Variants in ANKRD27 observed in about 807,000 individuals in gnomAD.
ANKRD27 encodes the protein ankyrin repeat domain 27, also known as ankyrin repeat domain-containing protein 27.
A neutral mutation model predicts 129.7 loss-of-function variants in ANKRD27; 112 were observed. That is an observed-to-expected ratio of 0.86 (90% confidence interval 0.74 to 1.01). The LOEUF is 1.01. ANKRD27 is among the 50% of genes least tolerant of loss of function. ANKRD27 has a pLI of 0.00. For missense variants in ANKRD27, 1,258 were observed against 1,300.5 expected, an observed-to-expected ratio of 0.97 and a Z score of 0.50; for synonymous variants, 516 against 511.2, an observed-to-expected ratio of 1.01 and a Z score of -0.13.
intron 28 of ANKRD27, 80 bp downstream of exon 28, chr19:32,599,624 G>T: frequency 8.0e-7 from 1 of 1,253,516 alleles, no homozygotes; most frequent in Non-Finnish European, 1.1e-6. Flanking sequence ...GACGATCAAG[G>T]AGACGTGTTT....
At chr19:32,617,753 GTTTTT>G (rs375079407) in intron 20 of ANKRD27, 120 bp from the exon 21 acceptor site, 6 of 297,112 alleles carry the variant, frequency 2.0e-5, no homozygotes, top group South Asian at 5.1e-5. Context: ...GTCTGATTTA[GTTTTT>G]TTTTTTTTTT....
chr19:32,626,161 C>A (rs886910256), intron 16 of ANKRD27, among the ~76,000 whole-genome samples, 195 bp from the exon 17 acceptor site: 4 of 152,100 alleles, frequency 2.6e-5, no homozygotes, highest in African/African-American at 9.7e-5. Flanking sequence ...CCTTTTCTTC[C>A]CCCATATGAT....
intron 2 of ANKRD27, among the ~76,000 whole-genome samples, chr19:32,657,622 CAA>C (rs764894654): frequency 2.2e-4 from 28 of 127,966 alleles, no homozygotes; most frequent in South Asian, 2.6e-4. Context: ...GACTCTGTCT[CAA>C]AAAAAAAAAA....
intron 1 of ANKRD27, among the ~76,000 whole-genome samples, chr19:32,671,673 C>CA (rs747101363): frequency 1.3e-5 from 2 of 152,180 alleles, no homozygotes; most frequent in Non-Finnish European, 2.9e-5. Flanking sequence ...CCAGCCTGGG[C>CA]AACAGAGTGA....
At chr19:32,665,526 C>G (rs1967736339) in intron 1 of ANKRD27, among the ~76,000 whole-genome samples, 1 of 150,784 alleles carries the variant, frequency 6.6e-6, no homozygotes, top group African/African-American at 2.4e-5. Flanking sequence ...GTGGCATGAT[C>G]TTGACTCACA....
At chr19:32,618,534 C>T (rs1971958270) in intron 20 of ANKRD27, among the ~76,000 whole-genome samples, 1 of 152,066 alleles carries the variant, frequency 6.6e-6, no homozygotes, top group African/African-American at 2.4e-5. Context: ...GGACACCCCT[C>T]CCAGGGACAA....
At chr19:32,637,514 G>A (rs1967113303) in intron 12 of ANKRD27, 1 of 152,304 alleles carries the variant, frequency 6.6e-6, no homozygotes, top group Admixed American at 6.5e-5. Context: ...TCTCACAGAT[G>A]GCAGTGGCAG....
chr19:32,666,016 C>T (rs1967747812), intron 1 of ANKRD27, among the ~76,000 whole-genome samples: 1 of 152,172 alleles, frequency 6.6e-6, no homozygotes, highest in Admixed American at 6.6e-5. Flanking sequence ...GATCTTCCTA[C>T]CTCGGCCTCC....
rs76203166 is a variant in ANKRD27, at chr19:32,644,635, C to A, written c.371-156G>T. On this transcript the variant is annotated intron_variant, in intron 4 of 28. Transcript: ENST00000306065. ...GCCCAGTTACAGGACACCCTGGAGT[C>A]CAGAGAGCCTGGTCCTCTCAAGGCC... Among the ~76,000 whole-genome samples the A allele has an allele frequency of 0.029, 4,413 of 152,256 alleles. 208 individuals are homozygous for A. The highest frequency in any genetic ancestry group is 0.1 in the African/African-American group (4,193 of 41,532).
intron 16 of ANKRD27, 120 bp downstream of exon 16, chr19:32,626,592 A>AG: frequency 8.4e-6 from 5 of 592,580 alleles, no homozygotes; most frequent in Non-Finnish European, 2.6e-6. Flanking sequence ...GTGTGGAACG[A>AG]GGGGGGCACA....
chr19:32,624,307 C>T (rs950746306), intron 17 of ANKRD27, among the ~76,000 whole-genome samples: 4 of 149,868 alleles, frequency 2.7e-5, no homozygotes, highest in Non-Finnish European at 5.9e-5. Flanking sequence ...GCAGAGGTTG[C>T]AGTGAGCCAA....
chr19:32,600,266 G>A (rs1971632394), intron 26 of ANKRD27: 1 of 425,022 alleles, frequency 2.4e-6, no homozygotes, highest in Admixed American at 3.5e-5. Context: ...CAGGCTGGGT[G>A]CAGTGGCTCA....
At chr19:32,641,205 C>T (rs1169551408) in intron 10 of ANKRD27, among the ~76,000 whole-genome samples, 1 of 150,352 alleles carries the variant, frequency 6.7e-6, no homozygotes, top group African/African-American at 2.5e-5. Flanking sequence ...CCAGCCGACC[C>T]TGTCTCTTAA....
At chr19:32,621,716 C>A (rs1027431961) in intron 18 of ANKRD27, among the ~76,000 whole-genome samples, 2 of 152,208 alleles carry the variant, frequency 1.3e-5, no homozygotes, top group East Asian at 1.9e-4. Flanking sequence ...TGGAGTGGAA[C>A]AGAATCCCTC....
At chr19:32,624,920 A>G (rs1158812988) in intron 17 of ANKRD27, among the ~76,000 whole-genome samples, 3 of 152,092 alleles carry the variant, frequency 2.0e-5, no homozygotes, top group East Asian at 1.9e-4. Flanking sequence ...GCAACAGAAC[A>G]AGATCTTGTC....
At chr19:32,639,129 A>G (rs1967145184) in intron 12 of ANKRD27, 2 of 567,762 alleles carry the variant, frequency 3.5e-6, no homozygotes, top group Middle Eastern at 4.7e-4. Flanking sequence ...ATGAAGTAGG[A>G]TATTAACAAT....
Position 32,597,246 on chromosome 19 carries a change from A to ATAATC in ANKRD27, c.*894_*898dup, listed in dbSNP as rs566806826. ...AGGCCAATAACATAAAAATAACAGT[A>ATAATC]TAATCTATAGAAATTTATAAAAAGG... On this transcript the variant is annotated 3_prime_UTR_variant, in exon 29 of 29. Transcript: ENST00000306065. 91 of 152,788 alleles carry ATAATC rather than the reference A, an allele frequency of 6.0e-4. No individual in the cohort carries two copies. Among genetic ancestry groups the ATAATC allele is most frequent in the Non-Finnish European group, 1.0e-3 (70 of 68,032 alleles). 9.5% of individuals were successfully genotyped at this position (152,788 alleles called of 1,614,324 possible). A position where few individuals can be genotyped will look rare whatever the true frequency, so the allele number is the denominator to read the frequency against.
intron 26 of ANKRD27, among the ~76,000 whole-genome samples, chr19:32,601,573 C>G (rs1971654732): frequency 7.0e-6 from 1 of 143,180 alleles, no homozygotes; most frequent in Non-Finnish European, 1.5e-5. Flanking sequence ...GATCACACTA[C>G]TGCACTCCAG....
chr19:32,619,841 G>A (rs1003829893), intron 18 of ANKRD27, among the ~76,000 whole-genome samples: 6 of 152,170 alleles, frequency 3.9e-5, no homozygotes, highest in Non-Finnish European at 7.3e-5. Context: ...AGGGATAAGA[G>A]AAGCCAGACC....
Sources: allele counts gnomAD v4.1 joint callset (sites outside exome capture counted in the v4.1 genomes callset), GRCh38; gene constraint gnomAD v4.1.1; transcripts MANE v1.5; gene names NCBI Gene and HGNC (gene_info 2026-07-23, HGNC 2026-07-21).